NAALADL2: variants seen among roughly 807,000 people sequenced by gnomAD.
NAALADL2 encodes inactive N-acetylated-alpha-linked acidic dipeptidase-like protein 2.
NAALADL2 carries 76 observed loss-of-function variants against 87.2 expected under a neutral mutation model. The ratio of observed to expected loss-of-function variants is 0.87; its 90% CI spans 0.72 to 1.05. The LOEUF (loss-of-function observed/expected upper bound fraction) is 1.05, where lower values mean the gene tolerates loss of function less well. Among genes scored for constraint, NAALADL2 ranks in the 50% least tolerant of loss-of-function variants. The pLI, the probability that NAALADL2 is intolerant of heterozygous loss-of-function variation, is 0.00. For synonymous variants in NAALADL2, 354 were observed against 331.0 expected, an observed-to-expected ratio of 1.07 and a Z score of -0.75; for missense variants, 1,089 against 945.8, an observed-to-expected ratio of 1.15 and a Z score of -1.99.
chr3:174,476,279 G>T (rs1408661479), intron 1 of NAALADL2, among the ~76,000 whole-genome samples: 4 of 149,576 alleles, frequency 2.7e-5, no homozygotes, highest in Non-Finnish European at 4.5e-5. Flanking sequence ...TCATTTTGAC[G>T]GACAGAATTG....
intron 2 of NAALADL2, among the ~76,000 whole-genome samples, chr3:174,643,752 T>C (rs1723494699): frequency 6.6e-6 from 1 of 152,212 alleles, no homozygotes; most frequent in African/African-American, 2.4e-5. Flanking sequence ...GCTAACTCCA[T>C]GTTTTTGGTA....
intron 1 of NAALADL2, among the ~76,000 whole-genome samples, chr3:174,446,766 C>G (rs771202586): frequency 3.9e-5 from 6 of 152,096 alleles, no homozygotes; most frequent in Non-Finnish European, 5.9e-5. Context: ...TCAGAGTACT[C>G]AAACCAAAGT....
At chr3:174,712,666 G>A (rs956418408) in intron 2 of NAALADL2, among the ~76,000 whole-genome samples, 4 of 151,956 alleles carry the variant, frequency 2.6e-5, no homozygotes, top group African/African-American at 7.2e-5. Flanking sequence ...GATTACAGGC[G>A]TCAGCTACCG....
chr3:174,875,428 C>T (rs897903326), intron 1 of NAALADL2, among the ~76,000 whole-genome samples: 1 of 151,972 alleles, frequency 6.6e-6, no homozygotes, highest in African/African-American at 2.4e-5. Flanking sequence ...TAGTATGAAC[C>T]ACTGGTTGAC....
chr3:175,399,196 G>A (rs576089458), intron 5 of NAALADL2, among the ~76,000 whole-genome samples: 8 of 152,178 alleles, frequency 5.3e-5, no homozygotes, highest in African/African-American at 1.9e-4. Flanking sequence ...TATTTTGCAA[G>A]AATTAATATT....
intron 2 of NAALADL2, among the ~76,000 whole-genome samples, chr3:174,598,786 A>G (rs114640742): frequency 1.0e-3 from 159 of 152,330 alleles, no homozygotes; most frequent in African/African-American, 3.7e-3. Context: ...GCAAATGGAT[A>G]TACTTAGGAA....
At chr3:174,777,288 AC>A (rs1333290408) in intron 3 of NAALADL2, among the ~76,000 whole-genome samples, 1 of 152,096 alleles carries the variant, frequency 6.6e-6, no homozygotes, top group African/African-American at 2.4e-5. Context: ...AAATCATACC[AC>A]CTTTTGCCAC....
At chr3:175,120,122 TAAG>T (rs1225599323) in intron 2 of NAALADL2, among the ~76,000 whole-genome samples, 1 of 151,418 alleles carries the variant, frequency 6.6e-6, no homozygotes, top group East Asian at 1.9e-4. Context: ...GATGCAGAAG[TAAG>T]AAGCCCACTT....
At chr3:175,392,457 T>C (rs1769195797) in intron 5 of NAALADL2, among the ~76,000 whole-genome samples, 1 of 152,200 alleles carries the variant, frequency 6.6e-6, no homozygotes, top group South Asian at 2.1e-4. Flanking sequence ...TATGAAATCA[T>C]AGCTCTTCCT....
intron 1 of NAALADL2, among the ~76,000 whole-genome samples, chr3:174,468,762 C>CTTT (rs541184155): frequency 2.3e-5 from 3 of 130,142 alleles, no homozygotes; most frequent in African/African-American, 5.7e-5. Context: ...TAACTATATT[C>CTTT]TTTTTTTTTT....
chr3:175,091,749 A>G (rs1057436092), intron 1 of NAALADL2, among the ~76,000 whole-genome samples: 5 of 152,084 alleles, frequency 3.3e-5, no homozygotes, highest in African/African-American at 1.2e-4. Flanking sequence ...TCTTTGAGTA[A>G]ATAGACCAAA....
chr3:175,760,024 A>G (rs76976327), intron 13 of NAALADL2, among the ~76,000 whole-genome samples: 2,140 of 152,244 alleles, frequency 0.014, 50 homozygotes, highest in African/African-American at 0.048. Flanking sequence ...TAGGAAGATT[A>G]TGGGAGTAGG....
intron 1 of NAALADL2, among the ~76,000 whole-genome samples, chr3:174,444,696 C>G (rs2108260377): frequency 6.6e-6 from 1 of 152,278 alleles, no homozygotes; most frequent in East Asian, 1.9e-4. Context: ...TATTATCAAA[C>G]AAACTCTTTT....
At chr3:174,861,413 T>G (rs1488254223) in intron 1 of NAALADL2, among the ~76,000 whole-genome samples, 2 of 152,098 alleles carry the variant, frequency 1.3e-5, no homozygotes, top group Non-Finnish European at 2.9e-5. Flanking sequence ...AAATTGAGTT[T>G]CAAAATGACC....
intron 3 of NAALADL2, among the ~76,000 whole-genome samples, chr3:174,738,727 T>C (rs1340083901): frequency 5.9e-5 from 9 of 152,230 alleles, no homozygotes; most frequent in Admixed American, 5.9e-4. Context: ...TGTTACTATG[T>C]AAACACTTAT....
chr3:174,778,699 A>G (rs973091853), intron 3 of NAALADL2, among the ~76,000 whole-genome samples: 4 of 151,518 alleles, frequency 2.6e-5, no homozygotes, highest in African/African-American at 9.7e-5. Context: ...TCATTGTTCA[A>G]CTCCTACTTC....
chr3:175,146,610 G>A (rs1030690944), intron 2 of NAALADL2, among the ~76,000 whole-genome samples: 2 of 152,118 alleles, frequency 1.3e-5, no homozygotes, highest in African/African-American at 4.8e-5. Context: ...GGACGAACTA[G>A]ATTGTGAAAA....
At chr3:174,715,877 T>G (rs1452433811) in intron 2 of NAALADL2, among the ~76,000 whole-genome samples, 3 of 152,170 alleles carry the variant, frequency 2.0e-5, no homozygotes, top group Non-Finnish European at 4.4e-5. Context: ...GTTTCAGTTC[T>G]AGGATTATCT....
At chr3:175,454,923 T>G (rs1364897221) in intron 6 of NAALADL2, among the ~76,000 whole-genome samples, 1 of 152,074 alleles carries the variant, frequency 6.6e-6, no homozygotes, top group Non-Finnish European at 1.5e-5. Context: ...ATGTGCAATT[T>G]AAGAGAATTT....
Sources: allele counts gnomAD v4.1 joint callset (sites outside exome capture counted in the v4.1 genomes callset), GRCh38; gene constraint gnomAD v4.1.1; transcripts MANE v1.5; gene names NCBI Gene and HGNC (gene_info 2026-07-23, HGNC 2026-07-21).